The following FGF1 variants were observed in gnomAD, a reference collection of about 807,000 sequenced individuals.
FGF1 encodes fibroblast growth factor 1, also known as beta-endothelial cell growth factor.
Under a neutral mutation model 13.4 loss-of-function variants are expected in FGF1, and 9 were observed. The ratio of observed to expected loss-of-function variants is 0.67; its 90% CI spans 0.40 to 1.17. FGF1 has a LOEUF of 1.17. Ranked by LOEUF, FGF1 falls within the 50% of genes most tolerant of loss-of-function variation. FGF1 has a pLI of 0.01. For synonymous variants in FGF1, 93 were observed against 79.0 expected (o/e 1.18, Z -0.94); for missense variants, 156 against 192.7 (o/e 0.81, Z 1.13).
At chr5:142,629,894 TA>T (rs58217705) in intron 1 of FGF1, among the ~76,000 whole-genome samples, 16,875 of 92,690 alleles carry the variant, frequency 0.18, 1,257 homozygotes, top group Non-Finnish European at 0.26. Flanking sequence ...TATATATATA[TA>T]TTTTTTTTTT....
chr5:142,637,061 T>C (rs1037016943), intron 1 of FGF1, among the ~76,000 whole-genome samples: 1 of 151,936 alleles, frequency 6.6e-6, no homozygotes, highest in African/African-American at 2.4e-5. Context: ...GTGGTATATG[T>C]GGGTATGGGC....
chr5:142,632,598 A>T (rs1286734978), intron 1 of FGF1, among the ~76,000 whole-genome samples: 1 of 152,256 alleles, frequency 6.6e-6, no homozygotes, highest in African/African-American at 2.4e-5. Context: ...GTCCATGATC[A>T]TATCTGCCAG....
Position 142,632,519 on chromosome 5 carries a change from C to T in FGF1, c.-34-18358G>A, listed in dbSNP as rs530760487. On this transcript the variant is annotated intron_variant, in intron 1 of 3. Transcript: ENST00000337706. Reference sequence around the variant, plus strand: ...CAGGGGACATCAGTCCACTTACAAACCCTTAACCATAAGGGGATGATATAA... The same window carrying T: ...CAGGGGACATCAGTCCACTTACAAATCCTTAACCATAAGGGGATGATATAA... Among the ~76,000 whole-genome samples the T allele has an allele frequency of 1.6e-4, 24 of 152,244 alleles. No individual in the cohort carries two copies. In the East Asian group the frequency reaches 3.3e-3, roughly 21 times the overall value.
At chr5:142,631,779 CTTTTT>C (rs34929420) in intron 1 of FGF1, among the ~76,000 whole-genome samples, 4 of 92,922 alleles carry the variant, frequency 4.3e-5, no homozygotes, top group Non-Finnish European at 6.0e-5. Flanking sequence ...TTTAAATTAG[CTTTTT>C]TTTTTTTTTT....
chr5:142,685,816 T>G (rs958377832), intron 1 of FGF1, 141 bp downstream of exon 1: 17 of 151,950 alleles, frequency 1.1e-4, no homozygotes, highest in African/African-American at 4.1e-4. Context: ...GCTATCTGCT[T>G]GAAACATTTT....
intron 1 of FGF1, among the ~76,000 whole-genome samples, chr5:142,640,433 G>GGC (rs1211415446): frequency 1.3e-5 from 2 of 149,894 alleles, no homozygotes; most frequent in South Asian, 2.2e-4. Context: ...TGGTGGGGGG[G>GGC]GGGGTCTCTC....
intron 1 of FGF1, among the ~76,000 whole-genome samples, chr5:142,676,712 G>A (rs1161507871): frequency 6.6e-6 from 1 of 152,172 alleles, no homozygotes; most frequent in Non-Finnish European, 1.5e-5. Flanking sequence ...AGCTTTCCAA[G>A]GAGCTTAGGG....
rs1200953876 is a variant in FGF1 at position 142,593,651 on chromosome 5, C to A, written c.*1639G>T. 3.3e-5 allele frequency: 5 copies of A among 152,424 alleles called. No individual in the cohort carries two copies. The highest frequency in any genetic ancestry group is 1.2e-4 in the African/African-American group (5 of 41,454). 9.4% of individuals were successfully genotyped at this position (152,424 alleles called of 1,614,324 possible). ...TAATAGCACAGTGGAAAACAAAAATCTCATTTTATAGGTAAATAAGTATCA... is the reference window on the plus strand; with the variant it reads ...TAATAGCACAGTGGAAAACAAAAATATCATTTTATAGGTAAATAAGTATCA... On this transcript the variant is annotated 3_prime_UTR_variant, in exon 4 of 4. Coordinates refer to ENST00000337706, the MANE Select transcript of FGF1 (RefSeq NM_000800.5).
chr5:142,663,007 A>G (rs549099015), intron 1 of FGF1, among the ~76,000 whole-genome samples: 1 of 152,194 alleles, frequency 6.6e-6, no homozygotes, highest in African/African-American at 2.4e-5. Flanking sequence ...TTGTAGTTGT[A>G]GAGATGGGGT....
chr5:142,674,551 T>TG (rs1480996406), intron 1 of FGF1, among the ~76,000 whole-genome samples: 1 of 152,036 alleles, frequency 6.6e-6, no homozygotes, highest in African/African-American at 2.4e-5. Flanking sequence ...TTAAAGAGGC[T>TG]GGGGGAGAGA....
chr5:142,684,056 A>G (rs1774228742), intron 1 of FGF1, among the ~76,000 whole-genome samples: 1 of 152,168 alleles, frequency 6.6e-6, no homozygotes, highest in African/African-American at 2.4e-5. Context: ...TTTGCTTTGC[A>G]CTGCGGACTC....
chr5:142,600,964 C>T, intron 2 of FGF1, 159 bp from the exon 3 acceptor site: 1 of 631,562 alleles, frequency 1.6e-6, no homozygotes, highest in Non-Finnish European at 2.9e-6. Context: ...AATACAGTCC[C>T]TTTTTCTTTG....
upstream of FGF1, among the ~76,000 whole-genome samples, chr5:142,690,743 C>T (rs1008287445): frequency 3.3e-5 from 5 of 152,152 alleles, no homozygotes; most frequent in East Asian, 1.9e-4. Flanking sequence ...AGACCATGTA[C>T]GTATTTGTTC....
At chr5:142,651,213 C>T (rs1282660367) in intron 1 of FGF1, among the ~76,000 whole-genome samples, 3 of 152,118 alleles carry the variant, frequency 2.0e-5, no homozygotes, top group Non-Finnish European at 4.4e-5. Flanking sequence ...TCATCACCCA[C>T]GGGAGCCTGA....
upstream of FGF1, among the ~76,000 whole-genome samples, chr5:142,687,914 G>A (rs1751523337): frequency 6.6e-6 from 1 of 152,216 alleles, no homozygotes; most frequent in Non-Finnish European, 1.5e-5. Context: ...CCCCCTCCTA[G>A]TGGAAATTAA....
chr5:142,643,089 C>A (rs1422307324), intron 1 of FGF1, among the ~76,000 whole-genome samples: 2 of 152,160 alleles, frequency 1.3e-5, no homozygotes, highest in Non-Finnish European at 2.9e-5. Context: ...ATCCAACGCA[C>A]CCCAGGAGGC....
At chr5:142,623,746 ATT>A (rs11395953) in intron 1 of FGF1, among the ~76,000 whole-genome samples, 1 of 145,934 alleles carries the variant, frequency 6.9e-6, no homozygotes. Flanking sequence ...CATTAAAAAA[ATT>A]TTTTTTTTTT....
intron 3 of FGF1, among the ~76,000 whole-genome samples, chr5:142,596,985 C>T (rs1755416007): frequency 6.6e-6 from 1 of 151,874 alleles, no homozygotes; most frequent in Admixed American, 6.6e-5. Flanking sequence ...AAATGAACAA[C>T]AAACCTATGA....
chr5:142,651,419 G>C (rs1303747111), intron 1 of FGF1, among the ~76,000 whole-genome samples: 5 of 152,074 alleles, frequency 3.3e-5, no homozygotes, highest in Non-Finnish European at 7.4e-5. Flanking sequence ...CTCTTCCCCA[G>C]TCCCACCCCT....
Sources: allele counts gnomAD v4.1 joint callset (sites outside exome capture counted in the v4.1 genomes callset), GRCh38; gene constraint gnomAD v4.1.1; transcripts MANE v1.5; gene names NCBI Gene and HGNC (gene_info 2026-07-23, HGNC 2026-07-21).